Variants in DLG2 observed in about 807,000 individuals in gnomAD.
The protein encoded by DLG2 is discs large MAGUK scaffold protein 2.
Under a neutral mutation model 132.5 loss-of-function variants are expected in DLG2, and 45 were observed. The observed-to-expected ratio is 0.34, with a 90% CI of 0.27 to 0.44. The LOEUF (loss-of-function observed/expected upper bound fraction) is 0.44, where lower values mean the gene tolerates loss of function less well. Among genes scored for constraint, DLG2 ranks in the 20% least tolerant of loss-of-function variants. DLG2 has a pLI of 1.00. For missense variants in DLG2, 1,045 were observed against 1,196.9 expected, an observed-to-expected ratio of 0.87 and a Z score of 1.87; for synonymous variants, 424 against 419.6, an observed-to-expected ratio of 1.01 and a Z score of -0.13.
intron 18 of DLG2, among the ~76,000 whole-genome samples, chr11:83,758,095 T>G (rs199968902): frequency 1.3e-5 from 2 of 152,218 alleles, no homozygotes; most frequent in East Asian, 1.9e-4. Flanking sequence ...TAAATGTCTT[T>G]TCTTTTCTTG....
intron 6 of DLG2, among the ~76,000 whole-genome samples, chr11:84,577,620 G>A (rs1469068519): frequency 6.6e-6 from 1 of 152,168 alleles, no homozygotes; most frequent in African/African-American, 2.4e-5. Flanking sequence ...AAAATTTTAA[G>A]CAGCAAAGCA....
intron 6 of DLG2, among the ~76,000 whole-genome samples, chr11:84,686,177 G>A (rs1189776005): frequency 6.6e-6 from 1 of 152,184 alleles, no homozygotes; most frequent in African/African-American, 2.4e-5. Flanking sequence ...CCTCCTGACT[G>A]TAGCTCTGCC....
At chr11:83,705,186 T>G (rs2083697714) in intron 18 of DLG2, among the ~76,000 whole-genome samples, 1 of 152,212 alleles carries the variant, frequency 6.6e-6, no homozygotes, top group African/African-American at 2.4e-5. Flanking sequence ...CCTCTGCATA[T>G]TTTCACTTAT....
intron 7 of DLG2, among the ~76,000 whole-genome samples, chr11:84,391,105 T>C (rs896141984): frequency 1.3e-5 from 2 of 152,176 alleles, no homozygotes; most frequent in African/African-American, 4.8e-5. Context: ...TCAGTGAATG[T>C]TAATGTCACT....
chr11:84,367,734 C>A (rs1178687322), intron 7 of DLG2, among the ~76,000 whole-genome samples: 1 of 152,100 alleles, frequency 6.6e-6, no homozygotes, highest in Non-Finnish European at 1.5e-5. Context: ...TATGACACAG[C>A]AAGTGGACCT....
At chr11:84,776,744 C>A (rs1179872828) in intron 6 of DLG2, among the ~76,000 whole-genome samples, 1 of 152,090 alleles carries the variant, frequency 6.6e-6, no homozygotes, top group Non-Finnish European at 1.5e-5. Flanking sequence ...ATTTCATTTG[C>A]TTATATTGCA....
intron 21 of DLG2, among the ~76,000 whole-genome samples, chr11:83,498,831 G>T (rs1252349963): frequency 6.7e-6 from 1 of 149,242 alleles, no homozygotes; most frequent in Admixed American, 6.7e-5. Context: ...GACTGACCAA[G>T]AAAACAAAGA....
intron 18 of DLG2, among the ~76,000 whole-genome samples, chr11:83,712,982 A>G (rs2153666441): frequency 6.6e-6 from 1 of 152,042 alleles, no homozygotes; most frequent in Non-Finnish European, 1.5e-5. Flanking sequence ...AGTTGAAAAA[A>G]AAAGAAAGAA....
At chr11:84,658,362 TC>T (rs1287452781) in intron 6 of DLG2, among the ~76,000 whole-genome samples, 1 of 152,114 alleles carries the variant, frequency 6.6e-6, no homozygotes, top group Non-Finnish European at 1.5e-5. Flanking sequence ...TATGTTGAAA[TC>T]TAACCCCTAG....
chr11:84,234,858 T>A (rs2097139069), intron 8 of DLG2, among the ~76,000 whole-genome samples: 1 of 152,220 alleles, frequency 6.6e-6, no homozygotes, highest in African/African-American at 2.4e-5. Context: ...CACAAAGTTT[T>A]CTCTTATGGG....
At chr11:84,818,238 C>T (rs2077284102) in intron 6 of DLG2, among the ~76,000 whole-genome samples, 2 of 152,006 alleles carry the variant, frequency 1.3e-5, no homozygotes, top group Non-Finnish European at 2.9e-5. Flanking sequence ...ATTTATTACT[C>T]ATCCAAGAAA....
chr11:83,726,476 C>A (rs1159306261), intron 18 of DLG2, among the ~76,000 whole-genome samples: 2 of 152,102 alleles, frequency 1.3e-5, no homozygotes, highest in Non-Finnish European at 1.5e-5. Flanking sequence ...GTATTTTGCT[C>A]ATTTATTTTA....
At chr11:83,822,611 A>G (rs2051141946) in intron 17 of DLG2, among the ~76,000 whole-genome samples, 1 of 152,192 alleles carries the variant, frequency 6.6e-6, no homozygotes, top group African/African-American at 2.4e-5. Context: ...TGTAAGGTGC[A>G]TGGAGAAACA....
intron 8 of DLG2, among the ~76,000 whole-genome samples, chr11:84,223,054 C>T (rs764487142): frequency 1.3e-5 from 2 of 152,098 alleles, no homozygotes; most frequent in African/African-American, 2.4e-5. Context: ...CCTGGACAGG[C>T]CAAAATGTAG....
chr11:84,248,983 C>T (rs191554792), intron 8 of DLG2, among the ~76,000 whole-genome samples: 170 of 152,288 alleles, frequency 1.1e-3, no homozygotes, highest in Non-Finnish European at 1.7e-3. Flanking sequence ...TTGTTATTTG[C>T]GACTCATTTT....
At chr11:85,041,820 A>C (rs2061893224) in intron 6 of DLG2, among the ~76,000 whole-genome samples, 2 of 151,930 alleles carry the variant, frequency 1.3e-5, no homozygotes, top group Non-Finnish European at 2.9e-5. Flanking sequence ...GCATCTGAGT[A>C]AATGGAGGTA....
chr11:85,454,378 G>C (rs1298044825), intron 3 of DLG2, among the ~76,000 whole-genome samples: 3 of 151,738 alleles, frequency 2.0e-5, no homozygotes, highest in Non-Finnish European at 4.4e-5. Flanking sequence ...TAATAGTATT[G>C]TTTGGTTTTT....
At chr11:84,513,170 T>A (rs946877714) in intron 7 of DLG2, among the ~76,000 whole-genome samples, 1 of 150,912 alleles carries the variant, frequency 6.6e-6, no homozygotes, top group Non-Finnish European at 1.5e-5. Flanking sequence ...ATAAATAAAT[T>A]AAAAGAAATT....
chr11:83,719,456 T>C (rs1363860784), intron 18 of DLG2, among the ~76,000 whole-genome samples: 1 of 152,212 alleles, frequency 6.6e-6, no homozygotes, highest in African/African-American at 2.4e-5. Context: ...CTCACAATCC[T>C]GCAGGCTGTA....
Sources: allele counts gnomAD v4.1 joint callset (sites outside exome capture counted in the v4.1 genomes callset), GRCh38; gene constraint gnomAD v4.1.1; transcripts MANE v1.5; gene names NCBI Gene and HGNC (gene_info 2026-07-23, HGNC 2026-07-21).